CADPS: variants seen among roughly 807,000 people sequenced by gnomAD.
CADPS encodes calcium dependent secretion activator.
Under a neutral mutation model 167.3 loss-of-function variants are expected in CADPS, and 57 were observed. The observed-to-expected ratio is 0.34, with a 90% CI of 0.28 to 0.42. The LOEUF (loss-of-function observed/expected upper bound fraction) is 0.42, where lower values mean the gene tolerates loss of function less well. Among genes scored for constraint, CADPS ranks in the 20% least tolerant of loss-of-function variants. CADPS has a pLI of 1.00. For missense variants in CADPS, 1,414 were observed against 1,738.1 expected (o/e 0.81, Z 3.32); for synonymous variants, 676 against 635.3 (o/e 1.06, Z -0.96).
chr3:62,727,458 C>A (rs2076954567), intron 3 of CADPS, among the ~76,000 whole-genome samples: 1 of 151,690 alleles, frequency 6.6e-6, no homozygotes, highest in Non-Finnish European at 1.5e-5. Context: ...TTTTACAGGC[C>A]CAATACCCAC....
At chr3:62,778,826 A>T (rs2090954563) in intron 1 of CADPS, among the ~76,000 whole-genome samples, 1 of 152,150 alleles carries the variant, frequency 6.6e-6, no homozygotes, top group Non-Finnish European at 1.5e-5. Context: ...GGTATTTCCT[A>T]TTCTCTTTAG....
chr3:62,664,039 G>A (rs956674076), intron 3 of CADPS, among the ~76,000 whole-genome samples: 1 of 152,100 alleles, frequency 6.6e-6, no homozygotes, highest in Non-Finnish European at 1.5e-5. Flanking sequence ...ATGAGGTCTT[G>A]CTGTCTTGCC....
intron 28 of CADPS, among the ~76,000 whole-genome samples, chr3:62,417,852 A>AT (rs939429951): frequency 3.2e-5 from 3 of 94,136 alleles, no homozygotes; most frequent in African/African-American, 9.3e-5. Flanking sequence ...AACAAACAAA[A>AT]AAAAACCTAG....
intron 6 of CADPS, among the ~76,000 whole-genome samples, chr3:62,634,484 C>T (rs1377659764): frequency 1.3e-5 from 2 of 152,060 alleles, no homozygotes; most frequent in African/African-American, 2.4e-5. Flanking sequence ...GAATGCTCAC[C>T]TATTTTAAAA....
intron 1 of CADPS, among the ~76,000 whole-genome samples, chr3:62,870,754 T>C (rs1245493356): frequency 6.6e-6 from 1 of 152,182 alleles, no homozygotes; most frequent in Non-Finnish European, 1.5e-5. Context: ...AATGGTCATG[T>C]CAATCTAAAT....
intron 3 of CADPS, among the ~76,000 whole-genome samples, chr3:62,692,233 T>C (rs1433181919): frequency 6.6e-6 from 1 of 151,990 alleles, no homozygotes; most frequent in Non-Finnish European, 1.5e-5. Context: ...CCAAAGCTTT[T>C]GATTAAAATT....
chr3:62,822,580 G>T (rs114008574), intron 1 of CADPS, among the ~76,000 whole-genome samples: 1 of 152,152 alleles, frequency 6.6e-6, no homozygotes, highest in Non-Finnish European at 1.5e-5. Flanking sequence ...AGTGGCTCAC[G>T]CCTGTAATCC....
chr3:62,658,565 T>C (rs1361468178), intron 4 of CADPS, among the ~76,000 whole-genome samples: 2 of 152,096 alleles, frequency 1.3e-5, no homozygotes, highest in African/African-American at 4.8e-5. Context: ...TCTTTCTCAT[T>C]AGGTTGTTGG....
chr3:62,603,776 A>T (rs890286098), intron 6 of CADPS, among the ~76,000 whole-genome samples: 1 of 151,870 alleles, frequency 6.6e-6, no homozygotes, highest in Admixed American at 6.6e-5. Flanking sequence ...TGGTCTGATA[A>T]TTCCAACATC....
intron 13 of CADPS, chr3:62,530,696 T>C (rs1292831528): frequency 1.6e-6 from 2 of 1,289,098 alleles, no homozygotes; most frequent in Non-Finnish European, 2.0e-6. Context: ...ATCTTTTCTT[T>C]TTTTGGATTC....
At chr3:62,713,132 G>A (rs2083731021) in intron 3 of CADPS, among the ~76,000 whole-genome samples, 1 of 152,204 alleles carries the variant, frequency 6.6e-6, no homozygotes, top group South Asian at 2.1e-4. Flanking sequence ...GCCAGATATT[G>A]TGAACATTAT....
chr3:62,418,265 C>T (rs917908932), intron 28 of CADPS, among the ~76,000 whole-genome samples: 1 of 150,778 alleles, frequency 6.6e-6, no homozygotes, highest in African/African-American at 2.4e-5. Context: ...TGTTTCTGAG[C>T]CTTCAGAGAT....
intron 6 of CADPS, among the ~76,000 whole-genome samples, chr3:62,597,726 C>T (rs1361404010): frequency 6.6e-6 from 1 of 152,194 alleles, no homozygotes. Flanking sequence ...CTGACAACCC[C>T]CATCCTATTG....
intron 6 of CADPS, among the ~76,000 whole-genome samples, chr3:62,615,108 C>T (rs568944325): frequency 6.6e-6 from 1 of 152,252 alleles, no homozygotes; most frequent in East Asian, 1.9e-4. Flanking sequence ...AGAGAATGGT[C>T]TGAGAATAAT....
At chr3:62,470,259 A>C (rs1465895769) in intron 24 of CADPS, among the ~76,000 whole-genome samples, 1 of 152,226 alleles carries the variant, frequency 6.6e-6, no homozygotes, top group Non-Finnish European at 1.5e-5. Flanking sequence ...TCACCTGGCC[A>C]GTATCTAATC....
At chr3:62,590,960 T>TTC (rs779066830) in intron 7 of CADPS, among the ~76,000 whole-genome samples, 6 of 152,190 alleles carry the variant, frequency 3.9e-5, no homozygotes, top group Non-Finnish European at 7.3e-5. Flanking sequence ...GTTCAAGTGA[T>TTC]TCTCCTGCCT....
At chr3:62,578,136 G>T (rs543052850) in intron 8 of CADPS, among the ~76,000 whole-genome samples, 1 of 142,942 alleles carries the variant, frequency 7.0e-6, no homozygotes, top group Non-Finnish European at 1.5e-5. Context: ...TTAAAGACAC[G>T]AATAGGTTAA....
At chr3:62,526,808 A>G (rs1193902484) in intron 13 of CADPS, among the ~76,000 whole-genome samples, 3 of 152,142 alleles carry the variant, frequency 2.0e-5, no homozygotes. Context: ...ACTTTGCTAT[A>G]TATTTAAATC....
chr3:62,816,510 G>A (rs1245725940), intron 1 of CADPS, among the ~76,000 whole-genome samples: 2 of 152,038 alleles, frequency 1.3e-5, no homozygotes, highest in African/African-American at 2.4e-5. Flanking sequence ...GCTTAGGACA[G>A]CCATTTAGAG....
Sources: allele counts gnomAD v4.1 joint callset (sites outside exome capture counted in the v4.1 genomes callset), GRCh38; gene constraint gnomAD v4.1.1; transcripts MANE v1.5; gene names NCBI Gene and HGNC (gene_info 2026-07-23, HGNC 2026-07-21).